ZNF385D: variants seen among roughly 807,000 people sequenced by gnomAD.
ZNF385D encodes the protein zinc finger protein 659.
A neutral mutation model predicts 35.8 loss-of-function variants in ZNF385D; 15 were observed. The ratio of observed to expected loss-of-function variants is 0.42; its 90% CI spans 0.28 to 0.64. The LOEUF (loss-of-function observed/expected upper bound fraction) is 0.64. Ranked by LOEUF, ZNF385D falls within the 30% of genes least tolerant of loss-of-function variation. The pLI is 0.23. For synonymous variants in ZNF385D, 212 were observed against 186.8 expected, an observed-to-expected ratio of 1.13 and a Z score of -1.10; for missense variants, 474 against 494.6, an observed-to-expected ratio of 0.96 and a Z score of 0.39.
rs548113285 is a variant in ZNF385D, at chr3:22,159,962, C to T, written c.325+8855G>A. On this transcript the variant is annotated intron_variant, in intron 3 of 5. Coordinates refer to the ZNF385D transcript ENST00000494108. ...AAATCTCATCTTGAATTGTAATCCC[C>T]ATAATCTTTACAATCCCCACGTGTC... Among the ~76,000 whole-genome samples, 7 of 152,034 alleles carry T rather than the reference C, an allele frequency of 4.6e-5. No homozygotes were observed. The South Asian group carries it at 6.2e-4, about 14-fold the overall frequency.
At chr3:22,057,073 A>G (rs1168258568) in intron 3 of ZNF385D, among the ~76,000 whole-genome samples, 4 of 152,228 alleles carry the variant, frequency 2.6e-5, no homozygotes, top group African/African-American at 7.2e-5. Flanking sequence ...TGAAACTAAT[A>G]ATTTAACCTA....
At chr3:22,262,348 A>G (rs1042195743) in intron 2 of ZNF385D, among the ~76,000 whole-genome samples, 2 of 152,002 alleles carry the variant, frequency 1.3e-5, no homozygotes, top group African/African-American at 4.8e-5. Flanking sequence ...AAGAATGGGT[A>G]AGAAATAAAG....
intron 3 of ZNF385D, among the ~76,000 whole-genome samples, chr3:22,105,779 C>T (rs564770722): frequency 6.6e-6 from 1 of 152,188 alleles, no homozygotes; most frequent in South Asian, 2.1e-4. Flanking sequence ...TTACTCAGTC[C>T]AATTCCAAAG....
chr3:21,559,459 C>T (rs1045929455), intron 3 of ZNF385D, among the ~76,000 whole-genome samples: 1 of 148,662 alleles, frequency 6.7e-6, no homozygotes, highest in Non-Finnish European at 1.5e-5. Flanking sequence ...GTTGAACATT[C>T]TTTTCTTTAA....
At position 21,507,357 on chromosome 3, in the gene ZNF385D, A is replaced by G. The variant is rs756978455; in HGVS notation, c.439+3504T>C. On this transcript the variant is annotated intron_variant, in intron 4 of 7. Coordinates refer to ENST00000281523, the MANE Select transcript of ZNF385D (RefSeq NM_024697.3). ...GAATTAGTTTGGGTTTTTAAAATAT[A>G]TATATAATTGGATTACTCTTTTCAT... Among the ~76,000 whole-genome samples the G allele has an allele frequency of 1.3e-4, 20 of 152,116 alleles. 1 individual carries two copies. The highest frequency in any genetic ancestry group is 5.2e-4 in the Admixed American group (8 of 15,264).
chr3:21,938,076 C>T (rs143823356), intron 3 of ZNF385D, among the ~76,000 whole-genome samples: 440 of 152,258 alleles, frequency 2.9e-3, no homozygotes, highest in Admixed American at 5.9e-3. Context: ...GATATTCAAC[C>T]GAACAGAATC....
intron 2 of ZNF385D, among the ~76,000 whole-genome samples, chr3:22,308,368 C>T (rs1026547606): frequency 6.6e-6 from 1 of 151,862 alleles, no homozygotes; most frequent in African/African-American, 2.4e-5. Flanking sequence ...ACCTTTCCAG[C>T]TTAATTATTA....
At chr3:21,873,803 T>C (rs1016197250) in intron 3 of ZNF385D, among the ~76,000 whole-genome samples, 8 of 152,146 alleles carry the variant, frequency 5.3e-5, no homozygotes, top group African/African-American at 1.9e-4. Context: ...ATGTCACATA[T>C]TACAATATTT....
At chr3:21,682,530 CT>C (rs993727528) in intron 1 of ZNF385D, among the ~76,000 whole-genome samples, 1 of 150,108 alleles carries the variant, frequency 6.7e-6, no homozygotes, top group African/African-American at 2.5e-5. Flanking sequence ...GCAGTCATGT[CT>C]GGAAGAAAGG....
chr3:21,898,140 C>T (rs1699227691), intron 3 of ZNF385D, among the ~76,000 whole-genome samples: 1 of 152,104 alleles, frequency 6.6e-6, no homozygotes, highest in Non-Finnish European at 1.5e-5. Context: ...TTAAGTATTA[C>T]TTTTGAGGCC....
intron 3 of ZNF385D, among the ~76,000 whole-genome samples, chr3:22,139,329 G>A (rs1006878757): frequency 5.3e-5 from 8 of 152,070 alleles, no homozygotes; most frequent in African/African-American, 1.4e-4. Flanking sequence ...TGTTTAATGC[G>A]GCAGTATTCA....
intron 2 of ZNF385D, among the ~76,000 whole-genome samples, chr3:22,253,343 G>A (rs1700156384): frequency 6.6e-6 from 1 of 151,818 alleles, no homozygotes; most frequent in Admixed American, 6.6e-5. Context: ...GTTGCATCAA[G>A]AAAGCAATTA....
At chr3:22,298,483 TTATA>T (rs1702723982) in intron 2 of ZNF385D, among the ~76,000 whole-genome samples, 1 of 145,166 alleles carries the variant, frequency 6.9e-6, no homozygotes, top group Non-Finnish European at 1.5e-5. Flanking sequence ...CATAAAACAT[TTATA>T]TATAATATAT....
At chr3:21,436,141 C>CTG (rs1229467214) in intron 5 of ZNF385D, among the ~76,000 whole-genome samples, 4 of 151,836 alleles carry the variant, frequency 2.6e-5, no homozygotes, top group African/African-American at 7.3e-5. Context: ...GTTTGCGAGA[C>CTG]TGTGTGTATG....
intron 3 of ZNF385D, among the ~76,000 whole-genome samples, chr3:21,788,216 C>T (rs1403088230): frequency 6.6e-6 from 1 of 152,166 alleles, no homozygotes; most frequent in African/African-American, 2.4e-5. Context: ...CAGTGGCTCA[C>T]GCCTGTTATC....
At chr3:21,553,175 G>A (rs958877599) in intron 3 of ZNF385D, among the ~76,000 whole-genome samples, 2 of 152,238 alleles carry the variant, frequency 1.3e-5, no homozygotes, top group African/African-American at 2.4e-5. Flanking sequence ...ACATAACCTT[G>A]CAGACAACCT....
chr3:21,978,622 T>C (rs930069600), intron 3 of ZNF385D, among the ~76,000 whole-genome samples: 2 of 152,236 alleles, frequency 1.3e-5, no homozygotes, highest in African/African-American at 4.8e-5. Context: ...AGTAAAAATT[T>C]CCATATGTGT....
At chr3:22,320,016 C>A (rs544693597) in intron 2 of ZNF385D, among the ~76,000 whole-genome samples, 2 of 151,858 alleles carry the variant, frequency 1.3e-5, no homozygotes, top group South Asian at 4.2e-4. Flanking sequence ...GCCTTGGACA[C>A]TGTGATTTGG....
At chr3:21,550,616 G>A (rs1360913369) in intron 3 of ZNF385D, among the ~76,000 whole-genome samples, 2 of 152,102 alleles carry the variant, frequency 1.3e-5, no homozygotes, top group Non-Finnish European at 2.9e-5. Flanking sequence ...CTTAGTAGCT[G>A]GGATTGCAGG....
Sources: gnomAD v4.1 joint callset for allele counts (sites outside exome capture counted in the v4.1 genomes callset) on GRCh38, gnomAD v4.1.1 for gene constraint, MANE v1.5 for transcripts, NCBI Gene and HGNC (gene_info 2026-07-23, HGNC 2026-07-21) for gene names.